The following SORBS2 variants were observed in gnomAD, a reference collection of about 807,000 sequenced individuals.
The protein encoded by SORBS2 is sorbin and SH3 domain containing 2, also known as sorbin and SH3 domain-containing protein 2.
SORBS2 carries 46 observed loss-of-function variants against 97.7 expected under a neutral mutation model. The observed-to-expected ratio is 0.47, with a 90% CI of 0.37 to 0.60. The LOEUF is 0.60. SORBS2 is among the 20% of genes least tolerant of loss of function. The pLI is 0.00. For missense variants in SORBS2, 1,316 were observed against 1,282.3 expected (o/e 1.03, Z -0.40); for synonymous variants, 476 against 473.4 (o/e 1.01, Z -0.07).
intron 1 of SORBS2, among the ~76,000 whole-genome samples, chr4:185,778,383 C>A (rs1015495066): frequency 6.6e-6 from 1 of 152,118 alleles, no homozygotes; most frequent in Non-Finnish European, 1.5e-5. Context: ...TGGTCTTGGG[C>A]CTTGCTTCTT....
At chr4:185,852,946 G>T (rs2099218747) in intron 1 of SORBS2, among the ~76,000 whole-genome samples, 11 of 152,146 alleles carry the variant, frequency 7.2e-5, no homozygotes, top group Admixed American at 7.2e-4. Context: ...CTCCCTTTGT[G>T]CCTGCCACCC....
intron 1 of SORBS2, among the ~76,000 whole-genome samples, chr4:185,950,494 G>A (rs2099276698): frequency 6.6e-6 from 1 of 152,244 alleles, no homozygotes; most frequent in South Asian, 2.1e-4. Context: ...TTCTGTGCAG[G>A]TTGAGGGTTT....
rs538961280 is a variant in SORBS2 at position 185,609,801 on chromosome 4, C to T, written c.2796+1979G>A. ...ATCAGTTAGAAAATAGGTTCTGTAG[C>T]GTTTAGTATATTTTGGATGTTATCA... On this transcript the variant is annotated intron_variant, in intron 12 of 14. Transcript: ENST00000418609. Among the ~76,000 whole-genome samples, 8 of 152,192 alleles carry T rather than the reference C, an allele frequency of 5.3e-5. No homozygotes were observed. In the South Asian group the frequency reaches 1.0e-3, roughly 20 times the overall value.
intron 2 of SORBS2, among the ~76,000 whole-genome samples, chr4:185,737,697 G>A (rs948984622): frequency 6.6e-6 from 1 of 152,158 alleles, no homozygotes; most frequent in South Asian, 2.1e-4. Flanking sequence ...AGCGTGGTGG[G>A]CAGATATGAG....
chr4:185,834,259 C>G (rs891875261), intron 1 of SORBS2, among the ~76,000 whole-genome samples: 1 of 152,022 alleles, frequency 6.6e-6, no homozygotes, highest in Non-Finnish European at 1.5e-5. Context: ...TCTTGTTAAA[C>G]CATAGAATCC....
At chr4:185,908,925 T>C (rs1334559321) in intron 1 of SORBS2, among the ~76,000 whole-genome samples, 1 of 151,380 alleles carries the variant, frequency 6.6e-6, no homozygotes, top group Non-Finnish European at 1.5e-5. Flanking sequence ...ATATAATACA[T>C]ATATAAAAAT....
chr4:185,651,822 T>A, intron 2 of SORBS2: 1 of 1,467,316 alleles, frequency 6.8e-7, no homozygotes. Flanking sequence ...CATGTCTGTG[T>A]CATCATCTAG....
At chr4:185,673,313 C>T (rs1467883169) in intron 4 of SORBS2, among the ~76,000 whole-genome samples, 3 of 152,144 alleles carry the variant, frequency 2.0e-5, no homozygotes, top group African/African-American at 4.8e-5. Context: ...AGGCAGATCT[C>T]ATGTTAAATG....
chr4:185,727,877 T>C (rs1408738005), intron 2 of SORBS2, among the ~76,000 whole-genome samples: 1 of 152,256 alleles, frequency 6.6e-6, no homozygotes, highest in Non-Finnish European at 1.5e-5. Flanking sequence ...ACAGATTTTA[T>C]GTTTTCTTTG....
chr4:185,792,212 T>A (rs78350641), intron 1 of SORBS2, among the ~76,000 whole-genome samples: 15,530 of 152,222 alleles, frequency 0.1, 1,755 homozygotes, highest in African/African-American at 0.24. Context: ...TTAGAAAATA[T>A]GGGACGGCGT....
intron 2 of SORBS2, chr4:185,709,988 A>G (rs1250440665): frequency 6.6e-6 from 1 of 152,060 alleles, no homozygotes; most frequent in Non-Finnish European, 1.5e-5. Context: ...TTCTGGCTAC[A>G]TTGGTAAGTA....
chr4:185,758,960 G>GTA (rs1477835111), intron 2 of SORBS2, among the ~76,000 whole-genome samples: 1 of 152,172 alleles, frequency 6.6e-6, no homozygotes, highest in Non-Finnish European at 1.5e-5. Flanking sequence ...CTTACCTACT[G>GTA]TATAATCTCC....
intron 4 of SORBS2, among the ~76,000 whole-genome samples, 194 bp from the exon 14 acceptor site, chr4:185,639,229 G>A (rs1485728130): frequency 6.6e-6 from 1 of 152,202 alleles, no homozygotes; most frequent in Non-Finnish European, 1.5e-5. Flanking sequence ...ACCAGGAGTG[G>A]ATCCCCAGGA....
chr4:185,703,297 C>T (rs2098292580), intron 2 of SORBS2, among the ~76,000 whole-genome samples: 1 of 152,124 alleles, frequency 6.6e-6, no homozygotes, highest in Non-Finnish European at 1.5e-5. Context: ...AAGCTTTTTT[C>T]ATGAGTAGTG....
At chr4:185,782,133 G>A (rs572976618) in intron 1 of SORBS2, among the ~76,000 whole-genome samples, 1 of 152,332 alleles carries the variant, frequency 6.6e-6, no homozygotes, top group South Asian at 2.1e-4. Flanking sequence ...CAACACAAGA[G>A]TACATTTTTT....
chr4:185,731,763 C>T (rs1405488906), intron 2 of SORBS2, among the ~76,000 whole-genome samples: 1 of 108,110 alleles, frequency 9.2e-6, no homozygotes, highest in African/African-American at 3.5e-5. Context: ...TCTCTCCCTC[C>T]CTCCCCGCCT....
intron 4 of SORBS2, among the ~76,000 whole-genome samples, chr4:185,632,180 A>G (rs960606326): frequency 6.6e-6 from 1 of 152,252 alleles, no homozygotes; most frequent in African/African-American, 2.4e-5. Context: ...TATCAGTCTT[A>G]CAAGGTCCCT....
At chr4:185,855,479 T>A (rs1038179927) in intron 1 of SORBS2, among the ~76,000 whole-genome samples, 6 of 152,086 alleles carry the variant, frequency 3.9e-5, no homozygotes, top group African/African-American at 1.4e-4. Context: ...CCACTTGAAA[T>A]CCCTGGAGGG....
Position 185,939,470 on chromosome 4 carries a change from C to T in SORBS2, c.-338+16726G>A, listed in dbSNP as rs535196941. On this transcript the variant is annotated intron_variant, in intron 1 of 20. Transcript: ENST00000284776. ...TGCTCTATTTCTCCCTTCTCCTTCC[C>T]AGGAACAGTTCTCCAAAGAGGTATC... Among the ~76,000 whole-genome samples the T allele has an allele frequency of 3.8e-4, 58 of 152,308 alleles. 1 individual carries two copies. The highest frequency in any genetic ancestry group is 1.4e-3 in the African/African-American group (58 of 41,570).
Sources: gnomAD v4.1 joint callset for allele counts (sites outside exome capture counted in the v4.1 genomes callset) on GRCh38, gnomAD v4.1.1 for gene constraint, MANE v1.5 for transcripts, NCBI Gene and HGNC (gene_info 2026-07-23, HGNC 2026-07-21) for gene names.